The following PRR5L variants were observed in gnomAD, a reference collection of about 807,000 sequenced individuals.
PRR5L encodes the protein proline rich 5 like.
Under a neutral mutation model 36.4 loss-of-function variants are expected in PRR5L, and 21 were observed. That is an observed-to-expected ratio of 0.58 (90% CI 0.41 to 0.83). PRR5L has a LOEUF of 0.83. Among genes scored for constraint, PRR5L ranks in the 40% least tolerant of loss-of-function variants. The pLI is 0.00. For missense variants in PRR5L, 381 were observed against 473.3 expected (o/e 0.80, Z 1.81); for synonymous variants, 188 against 197.0 (o/e 0.95, Z 0.38).
chr11:36,460,017 G>A lies in PRR5L; in HGVS notation c.713-2325G>A, dbSNP rs139855349. Among the ~76,000 whole-genome samples the A allele has an allele frequency of 5.4e-3, 825 of 152,182 alleles. 8 individuals carry two copies. Among genetic ancestry groups the A allele is most frequent in the African/African-American group, 0.018 (761 of 41,520 alleles). On this transcript the variant is annotated intron_variant, in intron 8 of 8. Transcript: ENST00000530639. ...AGATAATGAAATTTTAAAAATCACCGGGTAATACCTTTGCCCAGAGATGAT... is the reference window on the plus strand; with the variant it reads ...AGATAATGAAATTTTAAAAATCACCAGGTAATACCTTTGCCCAGAGATGAT...
intron 1 of PRR5L, among the ~76,000 whole-genome samples, chr11:36,345,982 G>A (rs148721854): frequency 1.3e-5 from 2 of 152,180 alleles, no homozygotes; most frequent in Non-Finnish European, 2.9e-5. Context: ...AGAGCGTCAC[G>A]TTTGAGATTA....
intron 8 of PRR5L, among the ~76,000 whole-genome samples, chr11:36,462,128 G>A (rs570597637): frequency 1.3e-5 from 2 of 152,274 alleles, no homozygotes; most frequent in African/African-American, 2.4e-5. Context: ...TGTGGGGTAG[G>A]GTTGGTTACA....
chr11:36,310,724 T>C (rs1350974386), intron 1 of PRR5L, among the ~76,000 whole-genome samples: 1 of 151,906 alleles, frequency 6.6e-6, no homozygotes, highest in Non-Finnish European at 1.5e-5. Context: ...AGGGGCTGGG[T>C]GTGGTGGCTC....
At chr11:36,343,869 A>G (rs1270666668) in intron 1 of PRR5L, among the ~76,000 whole-genome samples, 1 of 151,886 alleles carries the variant, frequency 6.6e-6, no homozygotes, top group African/African-American at 2.4e-5. Flanking sequence ...TCTAAAGCCC[A>G]TGCTCTTTTT....
At chr11:36,308,854 T>C (rs976559271) in intron 1 of PRR5L, among the ~76,000 whole-genome samples, 1 of 152,186 alleles carries the variant, frequency 6.6e-6, no homozygotes, top group South Asian at 2.1e-4. Context: ...AGAGCATAAC[T>C]TGGGTAGCCA....
intron 1 of PRR5L, among the ~76,000 whole-genome samples, chr11:36,342,729 C>A (rs1490653918): frequency 6.6e-6 from 1 of 152,162 alleles, no homozygotes; most frequent in East Asian, 1.9e-4. Flanking sequence ...TCAGGGCTGA[C>A]TCTTTCCTCT....
intron 1 of PRR5L, among the ~76,000 whole-genome samples, chr11:36,363,946 A>G (rs1165550695): frequency 1.3e-5 from 2 of 152,188 alleles, no homozygotes; most frequent in Non-Finnish European, 2.9e-5. Flanking sequence ...CCTTCCTCTT[A>G]GAGACCATTT....
At chr11:36,299,131 A>G (rs1856346068) in intron 1 of PRR5L, among the ~76,000 whole-genome samples, 1 of 152,206 alleles carries the variant, frequency 6.6e-6, no homozygotes, top group Admixed American at 6.5e-5. Context: ...GGTCCTTGTC[A>G]GAAGGACCTA....
intron 1 of PRR5L, among the ~76,000 whole-genome samples, chr11:36,340,335 A>G (rs1315485357): frequency 6.6e-6 from 1 of 152,204 alleles, no homozygotes. Flanking sequence ...CAGATGGGGT[A>G]TGTGCTGTCT....
At chr11:36,422,774 A>G (rs551972256) in intron 4 of PRR5L, among the ~76,000 whole-genome samples, 53 of 152,286 alleles carry the variant, frequency 3.5e-4, no homozygotes, top group African/African-American at 1.1e-3. Context: ...TCCATAAGGC[A>G]CTGGCTGGAA....
At chr11:36,310,547 G>T (rs1856489861) in intron 1 of PRR5L, among the ~76,000 whole-genome samples, 3 of 152,164 alleles carry the variant, frequency 2.0e-5, no homozygotes, top group Admixed American at 2.0e-4. Flanking sequence ...GCCAATAAAA[G>T]ATGAATTGTC....
At chr11:36,389,139 A>G (rs1857515021) in intron 1 of PRR5L, among the ~76,000 whole-genome samples, 1 of 152,036 alleles carries the variant, frequency 6.6e-6, no homozygotes, top group African/African-American at 2.4e-5. Flanking sequence ...AACCCATGTT[A>G]CATAAGCCAC....
At chr11:36,350,954 A>ATATATTTATATATTTTTATATATT (rs1323895906) in intron 1 of PRR5L, among the ~76,000 whole-genome samples, 1 of 13,986 alleles carries the variant, frequency 7.2e-5, no homozygotes, top group Non-Finnish European at 1.6e-4. Flanking sequence ...ATATATATTT[A>ATATATTTATATATTTTTATATATT]TATATATTTA....
rs1246665161 is a variant in PRR5L at position 36,462,599 on chromosome 11, C to T, written c.970C>T (p.Leu324Phe). The T allele has an allele frequency of 1.2e-5, 19 of 1,612,722 alleles. No homozygotes were observed. Among genetic ancestry groups the T allele is most frequent in the Non-Finnish European group, 1.5e-5 (18 of 1,179,944 alleles). The change falls in exon 9 of 9, where the codon CTC (leucine) becomes TTC (phenylalanine). Residue 324 changes from leucine to phenylalanine, a missense_variant. Coordinates refer to ENST00000530639, the MANE Select transcript of PRR5L (RefSeq NM_001160167.2). ...GGCCAGCAGTGAGAACAAGTGCCTG[C>T]TCCTGCCACCCAGCTTCCCCCCGCC... is the stretch of plus-strand genomic sequence containing the variant. ...EEASSENKCL[L>F]LPPSFPPPHR...
intron 1 of PRR5L, among the ~76,000 whole-genome samples, chr11:36,320,540 G>A (rs1189486546): frequency 6.6e-6 from 1 of 152,086 alleles, no homozygotes; most frequent in Non-Finnish European, 1.5e-5. Flanking sequence ...TTATCTTTTT[G>A]TATAATTACT....
intron 1 of PRR5L, among the ~76,000 whole-genome samples, chr11:36,324,192 T>C (rs1856638752): frequency 6.6e-6 from 1 of 152,212 alleles, no homozygotes; most frequent in Non-Finnish European, 1.5e-5. Flanking sequence ...AATTAGATAA[T>C]TAAATTCTAT....
At chr11:36,355,258 T>G (rs1486723437) in intron 1 of PRR5L, among the ~76,000 whole-genome samples, 1 of 152,204 alleles carries the variant, frequency 6.6e-6, no homozygotes, top group Non-Finnish European at 1.5e-5. Context: ...ACATTTCTAT[T>G]TGGTGGATAT....
At chr11:36,360,094 C>G (rs1590482130) in intron 1 of PRR5L, among the ~76,000 whole-genome samples, 2 of 140,560 alleles carry the variant, frequency 1.4e-5, no homozygotes, top group Middle Eastern at 3.4e-3. Flanking sequence ...CACACACACA[C>G]AGACACACAA....
chr11:36,435,182 C>T (rs532706379), intron 5 of PRR5L, among the ~76,000 whole-genome samples: 4 of 151,996 alleles, frequency 2.6e-5, no homozygotes, highest in Non-Finnish European at 4.4e-5. Context: ...GTGAGAGGGT[C>T]CTTTTAGACT....
Sources: gnomAD v4.1 joint callset for allele counts (sites outside exome capture counted in the v4.1 genomes callset) on GRCh38, gnomAD v4.1.1 for gene constraint, MANE v1.5 for transcripts, NCBI Gene and HGNC (gene_info 2026-07-23, HGNC 2026-07-21) for gene names.